Variants in SLC23A2 observed in about 807,000 individuals in gnomAD.
SLC23A2 encodes Na(+)/L-ascorbic acid transporter 2.
SLC23A2 carries 36 observed loss-of-function variants against 73.3 expected under a neutral mutation model. The ratio of observed to expected loss-of-function variants is 0.49; its 90% CI spans 0.38 to 0.65. SLC23A2 has a LOEUF of 0.65. SLC23A2 is among the 30% of genes least tolerant of loss of function. The pLI is 0.00. For synonymous variants in SLC23A2, 343 were observed against 327.3 expected (o/e 1.05, Z -0.52); for missense variants, 507 against 841.6 (o/e 0.60, Z 4.92).
At chr20:4,864,378 A>G (rs1341057396) in intron 13 of SLC23A2, among the ~76,000 whole-genome samples, 1 of 152,178 alleles carries the variant, frequency 6.6e-6, no homozygotes, top group African/African-American at 2.4e-5. Flanking sequence ...TACGCATCAG[A>G]GCCTGATCTG....
chr20:4,920,503 T>C (rs1258776798), intron 3 of SLC23A2, among the ~76,000 whole-genome samples: 3 of 152,152 alleles, frequency 2.0e-5, no homozygotes, highest in Admixed American at 6.5e-5. Context: ...ATGTGCCAGG[T>C]TATTCAGGGT....
At chr20:4,983,998 C>T (rs1334310616) in intron 1 of SLC23A2, among the ~76,000 whole-genome samples, 2 of 151,560 alleles carry the variant, frequency 1.3e-5, no homozygotes, top group Admixed American at 1.3e-4. Context: ...GAAAAAGAAT[C>T]TTACAGAAAG....
At chr20:5,007,463 A>AGAGGTTGCAGTGAGCT (rs2088203691) in intron 1 of SLC23A2, among the ~76,000 whole-genome samples, 1 of 152,202 alleles carries the variant, frequency 6.6e-6, no homozygotes, top group Non-Finnish European at 1.5e-5. Flanking sequence ...CCTGGGAGGC[A>AGAGGTTGCAGTGAGCT]GAGGTTGCAG....
At position 4,964,284 on chromosome 20, in the gene SLC23A2, T is replaced by C. The variant is rs193222743; in HGVS notation, c.-155+6509A>G. ...TGCTGGGATTATAGGCGTGAACCAC[T>C]GCACCCAGACATAACATTTTTAGAT... On this transcript the variant is annotated intron_variant, in intron 2 of 16. Transcript: ENST00000338244. 2.2e-3 allele frequency among the ~76,000 whole-genome samples: 339 copies of C among 152,242 alleles called. 2 individuals are homozygous for C. The highest frequency in any genetic ancestry group is 7.7e-3 in the African/African-American group (320 of 41,552).
At chr20:4,990,668 G>A (rs922686484) in intron 1 of SLC23A2, among the ~76,000 whole-genome samples, 4 of 145,270 alleles carry the variant, frequency 2.8e-5, no homozygotes, top group African/African-American at 5.1e-5. Context: ...CCACTGCCCC[G>A]GCCTCCATCT....
At chr20:4,867,911 C>A in intron 12 of SLC23A2, 36 bp from the exon 13 acceptor site, 1 of 1,215,272 alleles carries the variant, frequency 8.2e-7, no homozygotes, top group South Asian at 1.2e-5. Flanking sequence ...GAAAATCATT[C>A]AATGGGATAA....
chr20:4,974,462 C>T (rs1011561588), intron 1 of SLC23A2, among the ~76,000 whole-genome samples: 2 of 150,940 alleles, frequency 1.3e-5, no homozygotes, highest in Non-Finnish European at 2.9e-5. Context: ...AGCGAAACTC[C>T]GTCTCAAAAA....
At chr20:5,003,240 C>T (rs1157656831), upstream of SLC23A2, among the ~76,000 whole-genome samples, 5 of 151,844 alleles carry the variant, frequency 3.3e-5, no homozygotes, top group African/African-American at 4.8e-5. Context: ...AAAAATTAGC[C>T]GGGCGTGGTG....
intron 4 of SLC23A2, among the ~76,000 whole-genome samples, chr20:4,904,636 C>T (rs1401508553): frequency 6.6e-6 from 1 of 152,200 alleles, no homozygotes; most frequent in African/African-American, 2.4e-5. Flanking sequence ...AACAGCACCG[C>T]GTCAGCTACA....
chr20:4,876,273 T>C (rs1295164616), intron 9 of SLC23A2, among the ~76,000 whole-genome samples: 3 of 152,254 alleles, frequency 2.0e-5, no homozygotes, highest in Non-Finnish European at 4.4e-5. Context: ...CCTGCTAGTT[T>C]TGTCATCATT....
At chr20:4,887,165 A>G (rs1290664715) in intron 6 of SLC23A2, among the ~76,000 whole-genome samples, 1 of 152,232 alleles carries the variant, frequency 6.6e-6, no homozygotes, top group African/African-American at 2.4e-5. Flanking sequence ...CCACTCCCAC[A>G]GGCATGCCCT....
chr20:4,949,189 G>T (rs1247962505), intron 2 of SLC23A2, among the ~76,000 whole-genome samples: 1 of 151,566 alleles, frequency 6.6e-6, no homozygotes, highest in Non-Finnish European at 1.5e-5. Context: ...TTGGGAGTCT[G>T]AGGCGGGAGA....
chr20:4,894,845 A>G (rs1035435554), intron 6 of SLC23A2, among the ~76,000 whole-genome samples: 1 of 152,194 alleles, frequency 6.6e-6, no homozygotes, highest in Non-Finnish European at 1.5e-5. Context: ...GATCATTTTT[A>G]TAGAATGAAA....
chr20:4,869,149 T>C (rs935876130), intron 12 of SLC23A2: 2 of 152,038 alleles, frequency 1.3e-5, no homozygotes, highest in Non-Finnish European at 2.9e-5. Flanking sequence ...AATAGCACTG[T>C]ATAGCCAAGT....
In SLC23A2 at chr20:4,935,495, C is replaced by T. The variant is rs545583832; in HGVS notation, c.-154-2779G>A. 2.5e-4 allele frequency among the ~76,000 whole-genome samples: 38 copies of T among 152,160 alleles called. No individual in the cohort carries two copies. The South Asian group carries it at 4.1e-3, about 17-fold the overall frequency. On this transcript the variant is annotated intron_variant, in intron 2 of 16. Transcript: ENST00000338244. Reference sequence around the variant, plus strand: ...TACAACACTGCAAAGTCTGATAGCCCTTAATATATAAAATCTGTGCAGGCC... The same window carrying T: ...TACAACACTGCAAAGTCTGATAGCCTTTAATATATAAAATCTGTGCAGGCC...
intron 1 of SLC23A2, among the ~76,000 whole-genome samples, chr20:4,985,595 G>A (rs558607996): frequency 3.9e-5 from 6 of 152,088 alleles, no homozygotes; most frequent in East Asian, 1.9e-4. Flanking sequence ...CTACAGGTGC[G>A]CGCCACCATG....
intron 2 of SLC23A2, among the ~76,000 whole-genome samples, chr20:4,939,008 C>T (rs1014567873): frequency 2.0e-5 from 3 of 152,090 alleles, no homozygotes; most frequent in Admixed American, 6.6e-5. Flanking sequence ...TTGGGAGACC[C>T]AGGCAGAAGG....
intron 11 of SLC23A2, among the ~76,000 whole-genome samples, chr20:4,870,976 G>A (rs1242852797): frequency 6.6e-6 from 1 of 152,088 alleles, no homozygotes; most frequent in African/African-American, 2.4e-5. Context: ...TTTAAGTTCC[G>A]CATTTACTTA....
intron 1 of SLC23A2, among the ~76,000 whole-genome samples, chr20:4,979,571 AT>A (rs1416094983): frequency 3.3e-5 from 5 of 152,120 alleles, no homozygotes; most frequent in Non-Finnish European, 7.4e-5. Flanking sequence ...TATGAAAAAA[AT>A]ATTAAAATAT....
Sources: allele counts gnomAD v4.1 joint callset (sites outside exome capture counted in the v4.1 genomes callset), GRCh38; gene constraint gnomAD v4.1.1; transcripts MANE v1.5; gene names NCBI Gene and HGNC (gene_info 2026-07-23, HGNC 2026-07-21).